LRRC4C: variants seen among roughly 807,000 people sequenced by gnomAD.
LRRC4C encodes the protein leucine rich repeat containing 4C, also known as leucine-rich repeat-containing protein 4C.
A neutral mutation model predicts 33.6 loss-of-function variants in LRRC4C; 5 were observed. That is an observed-to-expected ratio of 0.15 (90% CI 0.08 to 0.31). The LOEUF (loss-of-function observed/expected upper bound fraction) is 0.31. Among genes scored for constraint, LRRC4C ranks in the 10% least tolerant of loss-of-function variants. The pLI, the probability that LRRC4C is intolerant of heterozygous loss-of-function variation, is 1.00. For synonymous variants in LRRC4C, 329 were observed against 302.0 expected (o/e 1.09, Z -0.93); for missense variants, 560 against 796.7 (o/e 0.70, Z 3.58).
At chr11:40,879,562 A>T (rs540000772) in intron 2 of LRRC4C, among the ~76,000 whole-genome samples, 1 of 152,294 alleles carries the variant, frequency 6.6e-6, no homozygotes, top group South Asian at 2.1e-4. Flanking sequence ...AAGGAGACCT[A>T]CAAACAAGTA....
At chr11:40,629,037 A>T (rs1255481013) in intron 3 of LRRC4C, among the ~76,000 whole-genome samples, 1 of 152,202 alleles carries the variant, frequency 6.6e-6, no homozygotes, top group Admixed American at 6.5e-5. Flanking sequence ...CAAAAATTGA[A>T]GTTTCATCTT....
chr11:40,980,406 G>A (rs1392043038), intron 1 of LRRC4C, among the ~76,000 whole-genome samples: 1 of 152,148 alleles, frequency 6.6e-6, no homozygotes, highest in Non-Finnish European at 1.5e-5. Flanking sequence ...TGTCTAGAAC[G>A]AATTCAATTT....
intron 2 of LRRC4C, among the ~76,000 whole-genome samples, chr11:40,713,107 T>G (rs993988612): frequency 2.0e-5 from 3 of 151,532 alleles, no homozygotes; most frequent in African/African-American, 7.3e-5. Context: ...TTGGCTTGAC[T>G]GCTCTTGAAC....
At chr11:40,361,554 G>A (rs1947950135) in intron 3 of LRRC4C, among the ~76,000 whole-genome samples, 1 of 152,122 alleles carries the variant, frequency 6.6e-6, no homozygotes, top group African/African-American at 2.4e-5. Flanking sequence ...CCAGGGAGGT[G>A]AAATATCTTT....
chr11:40,281,323 A>G lies in LRRC4C; in HGVS notation c.-176+38305T>C, dbSNP rs114902777. Among the ~76,000 whole-genome samples, 1,139 of 152,280 alleles carry G rather than the reference A, an allele frequency of 7.5e-3. 24 individuals carry two copies. Among genetic ancestry groups the G allele is most frequent in the African/African-American group, 0.026 (1,080 of 41,554 alleles). On this transcript the variant is annotated intron_variant, in intron 4 of 6. Coordinates refer to ENST00000528697, the MANE Select transcript of LRRC4C (RefSeq NM_001258419.2). ...AATGTGTTTGAATTCATTCATCCAC[A>G]CACGTGCTGTGGTCTCTGCTGAGGT...
intron 3 of LRRC4C, among the ~76,000 whole-genome samples, chr11:40,542,337 G>T (rs11035908): frequency 0.089 from 13,540 of 152,112 alleles, 1,719 homozygotes; most frequent in African/African-American, 0.28. Flanking sequence ...CTGGACTATA[G>T]TAATCTTAAA....
At chr11:40,766,785 C>T (rs568381059) in intron 2 of LRRC4C, among the ~76,000 whole-genome samples, 2 of 136,616 alleles carry the variant, frequency 1.5e-5, no homozygotes, top group African/African-American at 2.7e-5. Flanking sequence ...AAGAGATACA[C>T]AAAAAATAAA....
chr11:41,392,241 G>A (rs964418179), intron 1 of LRRC4C, among the ~76,000 whole-genome samples: 4 of 151,790 alleles, frequency 2.6e-5, no homozygotes, highest in African/African-American at 7.3e-5. Flanking sequence ...TCTTTCCCAC[G>A]TATGATGTAA....
chr11:41,213,307 T>A (rs1234854019), intron 1 of LRRC4C, among the ~76,000 whole-genome samples: 1 of 152,170 alleles, frequency 6.6e-6, no homozygotes, highest in Non-Finnish European at 1.5e-5. Flanking sequence ...AGTCCTATGA[T>A]CATATTTATT....
chr11:41,051,515 C>T (rs1858204001), intron 1 of LRRC4C, among the ~76,000 whole-genome samples: 1 of 39,272 alleles, frequency 2.5e-5, no homozygotes, highest in South Asian at 5.9e-4. Context: ...CCCAGGGTCT[C>T]AAGGCAAAAA....
intron 1 of LRRC4C, among the ~76,000 whole-genome samples, chr11:41,301,754 A>G (rs940805273): frequency 6.6e-6 from 1 of 152,172 alleles, no homozygotes; most frequent in African/African-American, 2.4e-5. Context: ...AGTTTTTAAT[A>G]TACATATAAA....
At chr11:40,819,340 A>C (rs1381328104) in intron 2 of LRRC4C, among the ~76,000 whole-genome samples, 1 of 152,162 alleles carries the variant, frequency 6.6e-6, no homozygotes, top group Non-Finnish European at 1.5e-5. Context: ...TTTACAGATG[A>C]AAAACTGCAG....
chr11:40,451,360 T>C (rs996605763), intron 3 of LRRC4C, among the ~76,000 whole-genome samples: 1 of 124,622 alleles, frequency 8.0e-6, no homozygotes, highest in East Asian at 2.5e-4. Flanking sequence ...CTTACAGAAA[T>C]AATGACTTTT....
intron 2 of LRRC4C, among the ~76,000 whole-genome samples, chr11:40,728,662 A>G (rs1352612261): frequency 1.3e-5 from 2 of 151,622 alleles, no homozygotes; most frequent in Non-Finnish European, 2.9e-5. Flanking sequence ...ATGTTATCAA[A>G]AAGACATATG....
intron 2 of LRRC4C, among the ~76,000 whole-genome samples, chr11:40,871,145 C>G (rs974887266): frequency 6.6e-6 from 1 of 152,132 alleles, no homozygotes. Context: ...CAAACCCTGT[C>G]TCCTGATAAG....
At chr11:40,296,169 T>C (rs1484678472) in intron 4 of LRRC4C, among the ~76,000 whole-genome samples, 1 of 152,128 alleles carries the variant, frequency 6.6e-6, no homozygotes, top group South Asian at 2.1e-4. Context: ...TTGGCCAAAA[T>C]GGAAAAAGGA....
At chr11:41,256,853 G>GAA (rs1441360956) in intron 1 of LRRC4C, among the ~76,000 whole-genome samples, 12 of 151,936 alleles carry the variant, frequency 7.9e-5, no homozygotes, top group African/African-American at 2.9e-4. Flanking sequence ...GACTTCTAAT[G>GAA]GTCATGTGGC....
At chr11:40,761,243 C>T (rs565019157) in intron 2 of LRRC4C, among the ~76,000 whole-genome samples, 1 of 152,008 alleles carries the variant, frequency 6.6e-6, no homozygotes, top group Non-Finnish European at 1.5e-5. Flanking sequence ...GCAGTTTATG[C>T]CACATAATGA....
chr11:40,672,286 G>C (rs61886818), intron 2 of LRRC4C, among the ~76,000 whole-genome samples: 20,269 of 152,020 alleles, frequency 0.13, 1,597 homozygotes, highest in Middle Eastern at 0.21. Context: ...TATAAAAGAG[G>C]CACAAATCTC....
Sources: allele counts gnomAD v4.1 joint callset (sites outside exome capture counted in the v4.1 genomes callset), GRCh38; gene constraint gnomAD v4.1.1; transcripts MANE v1.5; gene names NCBI Gene and HGNC (gene_info 2026-07-23, HGNC 2026-07-21).